The following SLC1A6 variants were observed in gnomAD, a reference collection of about 807,000 sequenced individuals.
SLC1A6 encodes excitatory amino acid transporter 4.
In SLC1A6, 15 loss-of-function variants were observed where a neutral mutation model predicts 42.1. The observed-to-expected ratio is 0.36, with a 90% CI of 0.24 to 0.55. SLC1A6 has a LOEUF of 0.55. Ranked by LOEUF, SLC1A6 falls within the 20% of genes least tolerant of loss-of-function variation. SLC1A6 has a pLI of 0.88. For missense variants in SLC1A6, 542 were observed against 772.5 expected (o/e 0.70, Z 3.54); for synonymous variants, 317 against 319.7 (o/e 0.99, Z 0.09).
At chr19:14,987,083 C>A (rs908341620) in intron 1 of SLC1A6, among the ~76,000 whole-genome samples, 1 of 151,966 alleles carries the variant, frequency 6.6e-6, no homozygotes, top group African/African-American at 2.4e-5. Context: ...CCTTGCAGAC[C>A]CCCTGAATGG....
intron 1 of SLC1A6, among the ~76,000 whole-genome samples, chr19:14,997,415 C>G (rs546741792): frequency 1.3e-5 from 2 of 152,142 alleles, no homozygotes; most frequent in African/African-American, 2.4e-5. Flanking sequence ...ATCACAGGCA[C>G]TCATTTTTAA....
rs777592849 is a variant in SLC1A6, at chr19:14,956,628, C to A, written c.1017G>T (p.Leu339=). Residue 339 remains leucine (L), a synonymous_variant, in exon 7 of 10, where the codon CTG becomes CTT. Coordinates refer to ENST00000594383, the MANE Select transcript of SLC1A6 (RefSeq NM_005071.3). ...CGATGACGGTCAGGGTGTACATGCCCAGCTGACCCCCCAGGACGGCCATGT... is the reference window on the plus strand; with the variant it reads ...CGATGACGGTCAGGGTGTACATGCCAAGCTGACCCCCCAGGACGGCCATGT... The part of the protein sequence containing the change: ...MEDMAVLGGQ[L]GMYTLTVIVG... 3 of 1,613,906 alleles carry A rather than the reference C, an allele frequency of 1.9e-6. No homozygotes were observed. In the South Asian group the frequency reaches 3.3e-5, roughly 18 times the overall value.
intron 1 of SLC1A6, among the ~76,000 whole-genome samples, chr19:14,993,179 T>C (rs2045829096): frequency 6.6e-6 from 1 of 152,166 alleles, no homozygotes; most frequent in African/African-American, 2.4e-5. Context: ...GGATTCAGGA[T>C]ACCCCCTCCC....
chr19:14,981,836 C>T (rs77495393), upstream of SLC1A6, among the ~76,000 whole-genome samples: 12,881 of 152,176 alleles, frequency 0.085, 763 homozygotes, highest in East Asian at 0.23. Context: ...AATCTACCTG[C>T]GCAGTCCTCT....
chr19:14,966,988 T>C (rs1259811588), intron 4 of SLC1A6, among the ~76,000 whole-genome samples: 2 of 152,162 alleles, frequency 1.3e-5, no homozygotes, highest in Non-Finnish European at 2.9e-5. Flanking sequence ...GGCGCATGTA[T>C]ACTTATGTAA....
At chr19:14,998,007 G>A (rs1168743628) in intron 1 of SLC1A6, among the ~76,000 whole-genome samples, 1 of 59,812 alleles carries the variant, frequency 1.7e-5, no homozygotes. Context: ...TGATGTTTGT[G>A]TGTGTGTGTG....
intron 1 of SLC1A6, among the ~76,000 whole-genome samples, chr19:15,005,466 G>C (rs1160670788): frequency 6.6e-6 from 1 of 151,932 alleles, no homozygotes; most frequent in Non-Finnish European, 1.5e-5. Context: ...CCGAGATCGC[G>C]CCACTGCACT....
At chr19:14,972,955 A>T in intron 1 of SLC1A6, 38 bp from the exon 2 acceptor site, 3 of 1,482,696 alleles carry the variant, frequency 2.0e-6, no homozygotes, top group Non-Finnish European at 1.8e-6. Flanking sequence ...GGTGAGGGCC[A>T]GGACAGAAGG....
chr19:14,961,958 C>A, intron 6 of SLC1A6, 44 bp downstream of exon 6: 1 of 1,559,350 alleles, frequency 6.4e-7, no homozygotes. Context: ...GCCTGACTTC[C>A]CAGCTCTGGC....
At chr19:14,971,582 C>T (rs1275928054) in intron 3 of SLC1A6, among the ~76,000 whole-genome samples, 155 bp downstream of exon 3, 2 of 152,120 alleles carry the variant, frequency 1.3e-5, no homozygotes, top group Non-Finnish European at 2.9e-5. Context: ...GGGACCTGGG[C>T]TTTGTTTGGC....
At chr19:14,955,732 C>T (rs1599982454) in intron 7 of SLC1A6, among the ~76,000 whole-genome samples, 1 of 151,732 alleles carries the variant, frequency 6.6e-6, no homozygotes, top group South Asian at 2.1e-4. Context: ...GCCAGGTGTT[C>T]GAGACCAGCC....
Position 15,006,086 on chromosome 19 carries a change from G to A in SLC1A6, c.6+4399C>T, listed in dbSNP as rs184640221. The stretch of plus-strand genomic sequence containing the variant: ...CTGGACCTCTTCTGGTTTTGAAATA[G>A]CTCATTCATGGATTCATTCTATTAA... On this transcript the variant is annotated intron_variant, in intron 1 of 8. Transcript: ENST00000430939. Among the ~76,000 whole-genome samples, 11 of 152,298 alleles carry A rather than the reference G, an allele frequency of 7.2e-5. No homozygotes were observed. In the East Asian group the frequency reaches 1.5e-3, roughly 21 times the overall value.
chr19:15,007,746 C>T (rs572970853), intron 1 of SLC1A6, among the ~76,000 whole-genome samples: 82 of 152,112 alleles, frequency 5.4e-4, no homozygotes, highest in Non-Finnish European at 1.1e-3. Flanking sequence ...AATGAGAGGC[C>T]GGGCACGGTG....
chr19:14,953,506 C>G (rs375078237), intron 8 of SLC1A6, among the ~76,000 whole-genome samples: 1 of 151,934 alleles, frequency 6.6e-6, no homozygotes, highest in South Asian at 2.1e-4. Context: ...CCACCCACCT[C>G]GGCCTCCCAA....
chr19:15,002,984 G>A (rs1208050935), intron 1 of SLC1A6, among the ~76,000 whole-genome samples: 1 of 151,648 alleles, frequency 6.6e-6, no homozygotes, highest in African/African-American at 2.4e-5. Context: ...TGTTGTTGTT[G>A]TTATTTTGTT....
At chr19:14,989,028 A>G (rs1204721680) in intron 1 of SLC1A6, among the ~76,000 whole-genome samples, 1 of 152,068 alleles carries the variant, frequency 6.6e-6, no homozygotes, top group East Asian at 1.9e-4. Context: ...TTAAAAAAAG[A>G]AGGAAGAAAG....
rs796896896 is a variant in SLC1A6, at chr19:14,960,011, T to C, written c.935+1991A>G. On this transcript the variant is annotated intron_variant, in intron 6 of 9. Coordinates refer to ENST00000594383, the MANE Select transcript of SLC1A6 (RefSeq NM_005071.3). Reference sequence around the variant, plus strand: ...GAGCTTGTTGAGGACAAGGTATGAGTGCACTGTATCTCTGTACTCCAGAGG... The same window carrying C: ...GAGCTTGTTGAGGACAAGGTATGAGCGCACTGTATCTCTGTACTCCAGAGG... Among the ~76,000 whole-genome samples the C allele has an allele frequency of 1.7e-4, 26 of 152,326 alleles. 1 individual carries two copies. The highest frequency in any genetic ancestry group is 6.0e-4 in the African/African-American group (25 of 41,578).
intron 1 of SLC1A6, among the ~76,000 whole-genome samples, chr19:15,004,877 A>AT (rs2045888721): frequency 6.6e-6 from 1 of 152,250 alleles, no homozygotes; most frequent in Admixed American, 6.5e-5. Context: ...GTTTCTGTAG[A>AT]TTTTTTGAAC....
At chr19:14,972,213 G>C (rs900845581) in intron 2 of SLC1A6, among the ~76,000 whole-genome samples, 1 of 152,200 alleles carries the variant, frequency 6.6e-6, no homozygotes, top group Non-Finnish European at 1.5e-5. Context: ...ATCTGCACAG[G>C]TGTTTTCCTG....
Sources: gnomAD v4.1 joint callset for allele counts (sites outside exome capture counted in the v4.1 genomes callset) on GRCh38, gnomAD v4.1.1 for gene constraint, MANE v1.5 for transcripts, NCBI Gene and HGNC (gene_info 2026-07-23, HGNC 2026-07-21) for gene names.